Variants in TANC2 observed in about 807,000 individuals in gnomAD.
The protein encoded by TANC2 is tetratricopeptide repeat, ankyrin repeat and coiled-coil containing 2.
A neutral mutation model predicts 210.5 loss-of-function variants in TANC2; 26 were observed. That is an observed-to-expected ratio of 0.12 (90% confidence interval 0.09 to 0.17). The LOEUF (loss-of-function observed/expected upper bound fraction) is 0.17. TANC2 is among the 10% of genes least tolerant of loss of function. The probability of loss-of-function intolerance (pLI) is 1.00; values close to 1 mark genes in which losing one functional copy is unlikely to be tolerated. For missense variants in TANC2, 2,129 were observed against 2,608.9 expected (o/e 0.82, Z 4.01); for synonymous variants, 931 against 967.1 (o/e 0.96, Z 0.69).
At chr17:63,376,305 T>C (rs1269799110) in intron 14 of TANC2, among the ~76,000 whole-genome samples, 6 of 150,822 alleles carry the variant, frequency 4.0e-5, no homozygotes, top group Admixed American at 4.0e-4. Flanking sequence ...TAGCCGGGCA[T>C]GGTGGCAGGC....
intron 9 of TANC2, among the ~76,000 whole-genome samples, chr17:63,291,977 G>A (rs531529357): frequency 6.6e-6 from 1 of 152,226 alleles, no homozygotes; most frequent in Non-Finnish European, 1.5e-5. Context: ...TATCTTGGAA[G>A]ACCAGACAGA....
At chr17:63,031,421 C>T (rs1016485109) in intron 2 of TANC2, among the ~76,000 whole-genome samples, 2 of 152,048 alleles carry the variant, frequency 1.3e-5, no homozygotes, top group Non-Finnish European at 2.9e-5. Context: ...TAAAGCCTGG[C>T]TATACTATTT....
chr17:63,259,743 TTC>T (rs1356896613), intron 8 of TANC2, among the ~76,000 whole-genome samples: 1 of 152,238 alleles, frequency 6.6e-6, no homozygotes, highest in Non-Finnish European at 1.5e-5. Context: ...AACCAGAAAT[TTC>T]TGTCGCTCAC....
chr17:63,310,672 A>G (rs73325731), intron 9 of TANC2, among the ~76,000 whole-genome samples: 3,213 of 152,288 alleles, frequency 0.021, 104 homozygotes, highest in African/African-American at 0.072. Flanking sequence ...GCCAATACAC[A>G]TGTTTTTAAA....
intron 2 of TANC2, 128 bp from the exon 3 acceptor site, chr17:63,073,815 T>A: frequency 1.1e-6 from 1 of 889,360 alleles, no homozygotes; most frequent in Non-Finnish European, 1.6e-6. Context: ...TCAAATATTT[T>A]AATGATCCGG....
intron 2 of TANC2, among the ~76,000 whole-genome samples, chr17:63,023,942 G>C (rs537805975): frequency 3.9e-4 from 59 of 152,260 alleles, no homozygotes; most frequent in Middle Eastern, 3.4e-3. Flanking sequence ...CTTCTCATCA[G>C]ATAGACACAT....
chr17:63,072,592 T>C (rs956443403), intron 2 of TANC2, among the ~76,000 whole-genome samples: 27 of 152,118 alleles, frequency 1.8e-4, no homozygotes, highest in African/African-American at 5.8e-4. Context: ...TATGGTTGCC[T>C]ATCACTTTGA....
rs531930941 is a variant in TANC2, at chr17:62,974,112, G to A, written c.-24+7363G>A. 7.2e-5 allele frequency among the ~76,000 whole-genome samples: 11 copies of A among 152,308 alleles called. 1 individual carries two copies. The South Asian group carries it at 2.3e-3, about 32-fold the overall frequency. ...TGTTCGTTGAATATCATGAGTTGGAGATATACCAGCTACTTTTTTGAAGGG... is the reference window on the plus strand; with the variant it reads ...TGTTCGTTGAATATCATGAGTTGGAAATATACCAGCTACTTTTTTGAAGGG... On this transcript the variant is annotated intron_variant, in intron 1 of 27. Transcript: ENST00000689528.
chr17:63,015,908 T>G lies in TANC2; in HGVS notation c.67+6282T>G, dbSNP rs1178304307. On this transcript the variant is annotated intron_variant, in intron 2 of 27. Transcript: ENST00000689528. ...ATTAAAAAACTTCAAATACGCTTCT[T>G]TGAGTCAAGTAATGCCGTTGTTTGA... is the stretch of plus-strand genomic sequence containing the variant. Among the ~76,000 whole-genome samples, 5 of 152,128 alleles carry G rather than the reference T, an allele frequency of 3.3e-5. No individual in the cohort carries two copies. In the East Asian group the frequency reaches 9.6e-4, roughly 29 times the overall value.
chr17:63,322,178 T>G (rs1398364344), intron 11 of TANC2, among the ~76,000 whole-genome samples: 1 of 152,178 alleles, frequency 6.6e-6, no homozygotes, highest in Non-Finnish European at 1.5e-5. Context: ...CATCTCTGTT[T>G]TTTTCTAAAT....
At chr17:62,989,206 A>AC (rs1238793438) in intron 1 of TANC2, among the ~76,000 whole-genome samples, 1 of 152,206 alleles carries the variant, frequency 6.6e-6, no homozygotes, top group Non-Finnish European at 1.5e-5. Context: ...AATTATCTGC[A>AC]GTACCTGCTG....
intron 8 of TANC2, among the ~76,000 whole-genome samples, chr17:63,248,715 G>T (rs2042980434): frequency 6.6e-6 from 1 of 152,054 alleles, no homozygotes; most frequent in South Asian, 2.1e-4. Flanking sequence ...CCTTGAGGCT[G>T]CTACTGGATT....
At chr17:63,154,960 A>G (rs2039784406) in intron 5 of TANC2, 1 of 152,134 alleles carries the variant, frequency 6.6e-6, no homozygotes, top group South Asian at 2.1e-4. Context: ...AGAATACACC[A>G]AACCGTACCA....
intron 3 of TANC2, among the ~76,000 whole-genome samples, chr17:63,082,045 C>T (rs543073618): frequency 7.2e-5 from 11 of 152,032 alleles, no homozygotes; most frequent in African/African-American, 2.7e-4. Flanking sequence ...GTGGCGGGCG[C>T]CTGTAGTCCC....
intron 5 of TANC2, among the ~76,000 whole-genome samples, chr17:63,188,896 C>CT (rs549885632): frequency 3.5e-3 from 525 of 150,722 alleles, no homozygotes; most frequent in African/African-American, 0.012. Context: ...TTTTTATCAC[C>CT]CCCCCCCAAA....
At chr17:63,193,937 A>T (rs1366546506) in intron 5 of TANC2, 54 bp from the exon 6 acceptor site, 8 of 1,547,290 alleles carry the variant, frequency 5.2e-6, no homozygotes, top group Non-Finnish European at 7.0e-6. Context: ...TAGTTGCAGA[A>T]CTAGACCATT....
At chr17:63,108,372 G>C (rs2144998801) in intron 4 of TANC2, among the ~76,000 whole-genome samples, 1 of 151,950 alleles carries the variant, frequency 6.6e-6, no homozygotes, top group Non-Finnish European at 1.5e-5. Context: ...CCTGTATCCA[G>C]ATATTACATA....
At chr17:63,406,007 C>A in intron 20 of TANC2, 147 bp from the exon 21 acceptor site, 2 of 967,808 alleles carry the variant, frequency 2.1e-6, no homozygotes, top group Non-Finnish European at 3.0e-6. Context: ...GGTACTAGGA[C>A]TATACAGGTA....
At chr17:63,252,869 T>G (rs879454265) in intron 8 of TANC2, among the ~76,000 whole-genome samples, 4 of 152,154 alleles carry the variant, frequency 2.6e-5, no homozygotes, top group Non-Finnish European at 5.9e-5. Flanking sequence ...AGTGGTGCAA[T>G]TACCCAGTCT....
Sources: allele counts gnomAD v4.1 joint callset (sites outside exome capture counted in the v4.1 genomes callset), GRCh38; gene constraint gnomAD v4.1.1; transcripts MANE v1.5; gene names NCBI Gene and HGNC (gene_info 2026-07-23, HGNC 2026-07-21).